RPS6KA2: variants seen among roughly 807,000 people sequenced by gnomAD.
RPS6KA2 encodes the protein ribosomal protein S6 kinase A2.
RPS6KA2 carries 42 observed loss-of-function variants against 91.8 expected under a neutral mutation model. The observed-to-expected ratio is 0.46, with a 90% CI of 0.36 to 0.59. The LOEUF (loss-of-function observed/expected upper bound fraction) is 0.59. RPS6KA2 is among the 20% of genes least tolerant of loss of function. RPS6KA2 has a pLI of 0.00. For synonymous variants in RPS6KA2, 414 were observed against 393.6 expected, an observed-to-expected ratio of 1.05 and a Z score of -0.61; for missense variants, 798 against 978.5, an observed-to-expected ratio of 0.82 and a Z score of 2.46.
In RPS6KA2 at chr6:166,701,317, C is replaced by T. The variant is rs988940079; in HGVS notation, c.123+156883G>A. The T allele has an allele frequency of 1.0e-5, 16 of 1,531,568 alleles. No homozygotes were observed. In the African/African-American group the frequency reaches 2.7e-4, roughly 26 times the overall value. The allele number at this position is 1,531,568 out of a possible 1,614,324, so 94.9% of individuals were successfully genotyped here. A position where few individuals can be genotyped will look rare whatever the true frequency, so the allele number is the denominator to read the frequency against. On this transcript the variant is annotated intron_variant, in intron 2 of 21. Transcript: ENST00000503859. Reference sequence around the variant, plus strand: ...CTGAAGTTCATTCACCGTTTTGCCTCCTTTTCCAGTAACTGCCAGCAGCAA... The same window carrying T: ...CTGAAGTTCATTCACCGTTTTGCCTTCTTTTCCAGTAACTGCCAGCAGCAA...
At chr6:166,545,387 G>A (rs1193370233) in intron 1 of RPS6KA2, among the ~76,000 whole-genome samples, 1 of 152,184 alleles carries the variant, frequency 6.6e-6, no homozygotes, top group African/African-American at 2.4e-5. Context: ...ATCTAGGAGT[G>A]GGCTGGCTGC....
At chr6:166,809,980 A>C (rs1354034406) in intron 2 of RPS6KA2, among the ~76,000 whole-genome samples, 1 of 152,238 alleles carries the variant, frequency 6.6e-6, no homozygotes, top group Non-Finnish European at 1.5e-5. Context: ...TAATTTATAA[A>C]GGAAAGAAGC....
chr6:166,513,551 T>C (rs1005746564), intron 3 of RPS6KA2, among the ~76,000 whole-genome samples: 1 of 152,136 alleles, frequency 6.6e-6, no homozygotes, highest in South Asian at 2.1e-4. Flanking sequence ...CCTGGTAGCC[T>C]GGAGGAAGGA....
intron 2 of RPS6KA2, among the ~76,000 whole-genome samples, chr6:166,660,939 T>C (rs1788146668): frequency 6.6e-6 from 1 of 152,194 alleles, no homozygotes; most frequent in South Asian, 2.1e-4. Context: ...ATTGGAGTAC[T>C]GAGTTAAAAG....
At chr6:166,422,861 T>G (rs1424323796) in intron 17 of RPS6KA2, among the ~76,000 whole-genome samples, 1 of 152,130 alleles carries the variant, frequency 6.6e-6, no homozygotes, top group Non-Finnish European at 1.5e-5. Flanking sequence ...TAAACTTAGT[T>G]GCTCCCTGCG....
intron 1 of RPS6KA2, among the ~76,000 whole-genome samples, chr6:166,576,867 C>A (rs753288930): frequency 8.5e-5 from 13 of 152,156 alleles, no homozygotes; most frequent in Non-Finnish European, 1.5e-4. Flanking sequence ...TGTCAGAGGT[C>A]TTCATGGCAT....
At chr6:166,601,578 G>A (rs1269094259) in intron 1 of RPS6KA2, among the ~76,000 whole-genome samples, 4 of 152,196 alleles carry the variant, frequency 2.6e-5, no homozygotes, top group Non-Finnish European at 5.9e-5. Flanking sequence ...ACATGAAACA[G>A]AATAGAGCCA....
intron 2 of RPS6KA2, among the ~76,000 whole-genome samples, chr6:166,765,705 T>G (rs909055018): frequency 6.6e-6 from 1 of 152,188 alleles, no homozygotes; most frequent in Admixed American, 6.5e-5. Flanking sequence ...CTTACTTTTT[T>G]GAAAGGCGTG....
chr6:166,749,757 A>ACC (rs1264816753), intron 2 of RPS6KA2, among the ~76,000 whole-genome samples: 3 of 96,022 alleles, frequency 3.1e-5, no homozygotes, highest in African/African-American at 8.9e-5. Context: ...TCAGGCCCCC[A>ACC]TCTCCTCAGG....
In RPS6KA2 at chr6:166,773,838, A is replaced by T. The variant is rs559852262; in HGVS notation, c.123+84362T>A. Among the ~76,000 whole-genome samples, 11 of 152,360 alleles carry T rather than the reference A, an allele frequency of 7.2e-5. No homozygotes were observed. The South Asian group carries it at 2.1e-3, about 29-fold the overall frequency. On this transcript the variant is annotated intron_variant, in intron 2 of 21. Coordinates refer to the RPS6KA2 transcript ENST00000503859. Reference sequence around the variant, plus strand: ...GGAAGAAAAAAAAACTACCGTTGAGATGACATAAAACGCTTTGTGCAAATG... The same window carrying T: ...GGAAGAAAAAAAAACTACCGTTGAGTTGACATAAAACGCTTTGTGCAAATG...
At chr6:166,773,213 C>G (rs1778522987) in intron 2 of RPS6KA2, among the ~76,000 whole-genome samples, 1 of 152,122 alleles carries the variant, frequency 6.6e-6, no homozygotes. Flanking sequence ...CCTGAAGCAT[C>G]TGTGACTGTG....
intron 2 of RPS6KA2, among the ~76,000 whole-genome samples, chr6:166,682,529 G>T (rs1469583798): frequency 6.6e-6 from 1 of 152,188 alleles, no homozygotes; most frequent in Non-Finnish European, 1.5e-5. Context: ...CGAGGGCAGG[G>T]CCAACATGTC....
chr6:166,614,358 C>T (rs771137375), intron 1 of RPS6KA2, among the ~76,000 whole-genome samples: 1 of 152,210 alleles, frequency 6.6e-6, no homozygotes, highest in Non-Finnish European at 1.5e-5. Context: ...ACCTCGAGCC[C>T]CCATTCCCAG....
chr6:166,820,945 T>G (rs566094830), intron 2 of RPS6KA2, among the ~76,000 whole-genome samples: 48 of 152,216 alleles, frequency 3.2e-4, no homozygotes, highest in Non-Finnish European at 5.9e-4. Flanking sequence ...TCGCTGCAAG[T>G]AAAAATTAAC....
chr6:166,547,831 G>A (rs1783878306), intron 1 of RPS6KA2, among the ~76,000 whole-genome samples: 1 of 152,228 alleles, frequency 6.6e-6, no homozygotes, highest in African/African-American at 2.4e-5. Context: ...CTGCCCTATG[G>A]GGCAGACTGG....
At chr6:166,515,925 C>A (rs1235784879) in intron 3 of RPS6KA2, among the ~76,000 whole-genome samples, 1 of 152,214 alleles carries the variant, frequency 6.6e-6, no homozygotes, top group Non-Finnish European at 1.5e-5. Flanking sequence ...CTACCTATGA[C>A]CCGGAAGCCC....
chr6:166,750,760 A>G (rs906395209), intron 2 of RPS6KA2, among the ~76,000 whole-genome samples: 1 of 152,234 alleles, frequency 6.6e-6, no homozygotes, highest in Admixed American at 6.5e-5. Context: ...GAGAAGAGTG[A>G]CAAGGATCAT....
intron 2 of RPS6KA2, among the ~76,000 whole-genome samples, chr6:166,743,649 C>T (rs1218583692): frequency 2.0e-5 from 3 of 152,276 alleles, no homozygotes; most frequent in African/African-American, 7.2e-5. Flanking sequence ...CATGCACACA[C>T]TGACACGGGC....
intron 1 of RPS6KA2, among the ~76,000 whole-genome samples, chr6:166,552,899 C>T (rs1784063886): frequency 6.6e-6 from 1 of 152,238 alleles, no homozygotes; most frequent in Non-Finnish European, 1.5e-5. Flanking sequence ...TGGGCTGTAT[C>T]CTGGCAATGG....
Sources: allele counts gnomAD v4.1 joint callset (sites outside exome capture counted in the v4.1 genomes callset), GRCh38; gene constraint gnomAD v4.1.1; transcripts MANE v1.5; gene names NCBI Gene and HGNC (gene_info 2026-07-23, HGNC 2026-07-21).